MSRA: variants seen among roughly 807,000 people sequenced by gnomAD.
The protein encoded by MSRA is methionine sulfoxide reductase A, also known as mitochondrial peptide methionine sulfoxide reductase.
MSRA carries 54 observed loss-of-function variants against 31.3 expected under a neutral mutation model. The observed-to-expected ratio is 1.73, with a 90% CI of 1.39 to 2.17. MSRA has a LOEUF of 2.17. Among genes scored for constraint, MSRA ranks in the 30% most tolerant of loss-of-function variants. The probability of loss-of-function intolerance (pLI) is 0.00; values close to 1 mark genes in which losing one functional copy is unlikely to be tolerated. For synonymous variants in MSRA, 169 were observed against 116.5 expected (o/e 1.45, Z -2.90); for missense variants, 507 against 300.9 (o/e 1.69, Z -5.07).
In MSRA at chr8:10,199,467, G is replaced by A. The variant is rs370353383; in HGVS notation, c.143-8366G>A. On this transcript the variant is annotated intron_variant, in intron 1 of 5. Transcript: ENST00000317173. ...CCTGAGTAGCTGGGACTACAAATGCGCGCCACCGTGCCCTGCTAATTTTTG... is the reference window on the plus strand; with the variant it reads ...CCTGAGTAGCTGGGACTACAAATGCACGCCACCGTGCCCTGCTAATTTTTG... 2.0e-4 allele frequency among the ~76,000 whole-genome samples: 30 copies of A among 152,152 alleles called. 1 individual carries two copies. The highest frequency in any genetic ancestry group is 4.2e-4 in the South Asian group (2 of 4,798).
chr8:10,159,642 G>C (rs1298204493), intron 1 of MSRA, among the ~76,000 whole-genome samples: 1 of 141,444 alleles, frequency 7.1e-6, no homozygotes, highest in African/African-American at 2.8e-5. Flanking sequence ...AGGCTTTCTA[G>C]TAAAGTAAAT....
intron 5 of MSRA, among the ~76,000 whole-genome samples, chr8:10,422,462 C>T (rs1453947508): frequency 6.6e-6 from 1 of 152,202 alleles, no homozygotes; most frequent in East Asian, 1.9e-4. Flanking sequence ...GAGGAAGAGT[C>T]TGTGAGAAAA....
intron 1 of MSRA, among the ~76,000 whole-genome samples, chr8:10,087,725 A>C (rs1044796906): frequency 1.3e-5 from 2 of 152,226 alleles, no homozygotes; most frequent in Admixed American, 6.5e-5. Flanking sequence ...TGAGAGTGCC[A>C]TACCCTCAAG....
chr8:10,141,212 C>T (rs755584612), intron 1 of MSRA, among the ~76,000 whole-genome samples: 4 of 152,180 alleles, frequency 2.6e-5, no homozygotes, highest in Non-Finnish European at 4.4e-5. Flanking sequence ...GAGTGCTTAC[C>T]CTGTGCCAGG....
chr8:10,267,767 C>T (rs1260671970), intron 3 of MSRA, among the ~76,000 whole-genome samples: 3 of 152,204 alleles, frequency 2.0e-5, no homozygotes, highest in African/African-American at 4.8e-5. Flanking sequence ...GAAGAGTATC[C>T]TTCTGGTGTA....
intron 3 of MSRA, among the ~76,000 whole-genome samples, chr8:10,271,708 C>T (rs796752875): frequency 1.5e-4 from 21 of 142,492 alleles, no homozygotes; most frequent in African/African-American, 4.9e-4. Flanking sequence ...ATGTAATTTC[C>T]ATGGGTAGTC....
intron 5 of MSRA, among the ~76,000 whole-genome samples, chr8:10,345,395 A>C (rs1245736396): frequency 2.0e-5 from 3 of 152,168 alleles, no homozygotes; most frequent in Admixed American, 2.0e-4. Flanking sequence ...TTTCTAACTG[A>C]GTGTGTGATC....
At chr8:10,204,764 A>G (rs1031622477) in intron 1 of MSRA, among the ~76,000 whole-genome samples, 1 of 152,230 alleles carries the variant, frequency 6.6e-6, no homozygotes, top group African/African-American at 2.4e-5. Flanking sequence ...CATAATGGCT[A>G]AAGAGAGATT....
rs189024425 is a variant in MSRA at position 10,177,999 on chromosome 8, T to C, written c.143-29834T>C. Among the ~76,000 whole-genome samples the C allele has an allele frequency of 7.7e-4, 118 of 152,354 alleles. 1 individual carries two copies. In the East Asian group the frequency reaches 0.021, roughly 27 times the overall value. On this transcript the variant is annotated intron_variant, in intron 1 of 5. Coordinates refer to ENST00000317173, the MANE Select transcript of MSRA (RefSeq NM_012331.5). ...AACCTGTTCATCTCACTGTGGGGTTTATATCCTCCTTACCGCTTCACCTGC... is the reference window on the plus strand; with the variant it reads ...AACCTGTTCATCTCACTGTGGGGTTCATATCCTCCTTACCGCTTCACCTGC...
intron 5 of MSRA, among the ~76,000 whole-genome samples, chr8:10,411,826 G>T (rs1390501208): frequency 6.6e-6 from 1 of 152,230 alleles, no homozygotes; most frequent in Non-Finnish European, 1.5e-5. Context: ...TCTGTGTTCA[G>T]GAAGATTCTG....
chr8:10,123,580 T>A (rs571777645), intron 1 of MSRA, among the ~76,000 whole-genome samples: 29 of 152,348 alleles, frequency 1.9e-4, no homozygotes, highest in Admixed American at 1.4e-3. Flanking sequence ...ATCTTCATTA[T>A]GAAATCTTTG....
chr8:10,220,784 A>G (rs1046924519), intron 2 of MSRA, among the ~76,000 whole-genome samples: 2 of 152,156 alleles, frequency 1.3e-5, no homozygotes, highest in Non-Finnish European at 2.9e-5. Flanking sequence ...TCCTCAGCAT[A>G]TGACCTTTGT....
chr8:10,337,638 C>A, intron 5 of MSRA: 1 of 685,126 alleles, frequency 1.5e-6, no homozygotes, highest in East Asian at 2.7e-5. Context: ...GATATTGTCA[C>A]ATTTTCCTTG....
intron 3 of MSRA, among the ~76,000 whole-genome samples, chr8:10,267,838 A>AT (rs1365445729): frequency 2.6e-5 from 4 of 152,016 alleles, no homozygotes; most frequent in Admixed American, 6.6e-5. Flanking sequence ...AAGGTCATGC[A>AT]TTTTTTCATT....
At chr8:10,334,024 A>G (rs1316718261) in intron 5 of MSRA, among the ~76,000 whole-genome samples, 6 of 152,108 alleles carry the variant, frequency 3.9e-5, no homozygotes, top group Non-Finnish European at 7.4e-5. Context: ...CCTACCCGCC[A>G]TTCGTGTGGT....
intron 3 of MSRA, among the ~76,000 whole-genome samples, chr8:10,290,051 C>A (rs897157948): frequency 6.6e-6 from 1 of 152,190 alleles, no homozygotes; most frequent in Admixed American, 6.5e-5. Context: ...TATAGATGAG[C>A]AGCCTGTGGC....
At chr8:10,417,419 G>GACACACACACACACACACACAC (rs1184991397) in intron 5 of MSRA, among the ~76,000 whole-genome samples, 103 of 145,484 alleles carry the variant, frequency 7.1e-4, no homozygotes, top group African/African-American at 2.3e-3. Flanking sequence ...TTCGTCAGAA[G>GACACACACACACACACACACAC]ACACACACAC....
chr8:10,351,520 G>A (rs766720203), intron 5 of MSRA, among the ~76,000 whole-genome samples: 2 of 152,172 alleles, frequency 1.3e-5, no homozygotes, highest in Non-Finnish European at 2.9e-5. Flanking sequence ...CCAAAGTGCT[G>A]GGATTATAGG....
At chr8:10,118,519 C>A (rs1012515471) in intron 1 of MSRA, among the ~76,000 whole-genome samples, 2 of 152,078 alleles carry the variant, frequency 1.3e-5, no homozygotes, top group African/African-American at 4.8e-5. Flanking sequence ...CTATTTCCCC[C>A]ACCATAGAGT....
Sources: gnomAD v4.1 joint callset for allele counts (sites outside exome capture counted in the v4.1 genomes callset) on GRCh38, gnomAD v4.1.1 for gene constraint, MANE v1.5 for transcripts, NCBI Gene and HGNC (gene_info 2026-07-23, HGNC 2026-07-21) for gene names.